SNF8: variants seen among roughly 807,000 people sequenced by gnomAD.
The protein encoded by SNF8 is SNF8 subunit of ESCRT-II, also known as vacuolar-sorting protein SNF8.
A neutral mutation model predicts 36.8 loss-of-function variants in SNF8; 19 were observed. The ratio of observed to expected loss-of-function variants is 0.52; its 90% CI spans 0.36 to 0.76. The LOEUF (loss-of-function observed/expected upper bound fraction) is 0.76. Ranked by LOEUF, SNF8 falls within the 30% of genes least tolerant of loss-of-function variation. The probability of loss-of-function intolerance (pLI) is 0.00; values close to 1 mark genes in which losing one functional copy is unlikely to be tolerated. For synonymous variants in SNF8, 127 were observed against 127.4 expected (o/e 1.00, Z 0.02); for missense variants, 268 against 322.9 (o/e 0.83, Z 1.30).
intron 6 of SNF8, 100 bp downstream of exon 6, chr17:48,933,104 GC>G: frequency 7.5e-7 from 1 of 1,334,686 alleles, no homozygotes; most frequent in East Asian, 2.4e-5. Context: ...GATAGTCTCA[GC>G]AAAAGACCTG....
At chr17:48,940,098 T>G (rs2040997986) in intron 3 of SNF8, among the ~76,000 whole-genome samples, 4 of 151,568 alleles carry the variant, frequency 2.6e-5, no homozygotes, top group Admixed American at 2.6e-4. Flanking sequence ...AAAAAATTTT[T>G]TTTTTAAACA....
intron 3 of SNF8, 27 bp downstream of exon 3, chr17:48,940,897 G>T: frequency 6.2e-7 from 1 of 1,608,924 alleles, no homozygotes; most frequent in Non-Finnish European, 8.5e-7. Flanking sequence ...CTATAAGAAC[G>T]CTGGACCCCT....
chr17:48,941,164 C>T (rs2041017984), intron 2 of SNF8, 102 bp from the exon 3 acceptor site: 1 of 1,326,342 alleles, frequency 7.5e-7, no homozygotes, highest in African/African-American at 1.4e-5. Flanking sequence ...GCTGAAATAA[C>T]CAGTCTCCCT....
intron 3 of SNF8, chr17:48,937,333 A>G (rs1292543975): frequency 1.5e-6 from 1 of 673,388 alleles, no homozygotes; most frequent in Admixed American, 2.0e-5. Context: ...CAGGCAATCT[A>G]AAAGTCATTT....
intron 7 of SNF8, 152 bp from the exon 8 acceptor site, chr17:48,930,764 G>A (rs1482308505): frequency 2.5e-6 from 2 of 792,160 alleles, no homozygotes; most frequent in African/African-American, 1.7e-5. Context: ...CCAACTAAAC[G>A]AGCTGTTTGG....
At chr17:48,941,210 T>G (rs1442941783) in intron 2 of SNF8, 148 bp from the exon 3 acceptor site, 1 of 850,820 alleles carries the variant, frequency 1.2e-6, no homozygotes, top group Non-Finnish European at 1.8e-6. Context: ...TCTCTCTTTT[T>G]ATCCCTGCCT....
intron 5 of SNF8, 164 bp downstream of exon 5, chr17:48,936,006 A>T: frequency 1.8e-6 from 1 of 545,268 alleles, no homozygotes; most frequent in Non-Finnish European, 3.2e-6. Flanking sequence ...GTGAGACCCT[A>T]TCTCTTATTT....
At chr17:48,931,445 G>GAGTT (rs1379870504) in intron 7 of SNF8, among the ~76,000 whole-genome samples, 198 bp downstream of exon 7, 2 of 152,238 alleles carry the variant, frequency 1.3e-5, no homozygotes, top group African/African-American at 4.8e-5. Context: ...GTGCATGCCA[G>GAGTT]AGTTAGGAAC....
At chr17:48,939,115 G>A (rs1340032695) in intron 3 of SNF8, among the ~76,000 whole-genome samples, 7 of 151,022 alleles carry the variant, frequency 4.6e-5, no homozygotes, top group Middle Eastern at 3.5e-3. Flanking sequence ...AAAATTAGCC[G>A]GGCATGGTGG....
chr17:48,935,541 C>G (rs2040922081), intron 5 of SNF8, among the ~76,000 whole-genome samples: 1 of 149,586 alleles, frequency 6.7e-6, no homozygotes, highest in South Asian at 2.1e-4. Flanking sequence ...ATTAGCCGGG[C>G]ATGGTGGTGC....
chr17:48,934,132 T>TA (rs1393228791), intron 5 of SNF8, among the ~76,000 whole-genome samples: 1 of 111,372 alleles, frequency 9.0e-6, no homozygotes. Flanking sequence ...ATACAGAGTT[T>TA]AAAACCTCTG....
In SNF8 at chr17:48,933,241, G is replaced by C. The variant is rs776364984; in HGVS notation, c.528C>G (p.Leu176=). 1 of 1,613,916 alleles carries C rather than the reference G, an allele frequency of 6.2e-7. No individual in the cohort carries two copies. The highest frequency in any genetic ancestry group is 1.7e-5 in the Admixed American group (1 of 59,994). Residue 176 remains leucine (L), a synonymous_variant, in exon 6 of 8, where the codon CTC becomes CTG. Coordinates refer to ENST00000502492, the MANE Select transcript of SNF8 (RefSeq NM_007241.4). The part of the protein sequence containing the change: ...TYLIQSVPAE[L]NMDHTVVLQL... ...GCAGCACCACGGTGTGATCCATATTGAGCTCAGCTGGAACAGACTGAATGA... is the reference window on the plus strand; with the variant it reads ...GCAGCACCACGGTGTGATCCATATTCAGCTCAGCTGGAACAGACTGAATGA...
chr17:48,944,417 G>A (rs971222301), intron 1 of SNF8, among the ~76,000 whole-genome samples: 13 of 152,252 alleles, frequency 8.5e-5, no homozygotes, highest in African/African-American at 3.1e-4. Flanking sequence ...TTAGGGAGAA[G>A]GATAGGGTGA....
In SNF8 at chr17:48,930,030, C is replaced by G. The variant is rs2040834089; in HGVS notation, c.*445G>C. The G allele has an allele frequency of 6.6e-6, 1 of 152,508 alleles. No individual in the cohort carries two copies. The highest frequency in any genetic ancestry group is 1.5e-5 in the Non-Finnish European group (1 of 68,284). The allele number at this position is 152,508 out of a possible 1,614,324, so 9.4% of individuals were successfully genotyped here. On this transcript the variant is annotated 3_prime_UTR_variant, in exon 8 of 8. Transcript: ENST00000502492. ...AGCTAACTCTGTCATAACCTAGAGC[C>G]TCTACAGAGGAAGCCAGAAGAGACT...
At chr17:48,944,537 AG>A in intron 1 of SNF8, 143 bp downstream of exon 1, 2 of 924,268 alleles carry the variant, frequency 2.2e-6, no homozygotes, top group East Asian at 5.2e-5. Flanking sequence ...ATCCACCGGA[AG>A]CTGGAGAAAT....
chr17:48,936,985 CCA>C, intron 4 of SNF8, 33 bp downstream of exon 4: 1 of 1,456,570 alleles, frequency 6.9e-7, no homozygotes, highest in Non-Finnish European at 9.7e-7. Flanking sequence ...TCAGAGAAGT[CCA>C]GAGTCCAGTT....
At chr17:48,935,159 C>G (rs1271158238) in intron 5 of SNF8, among the ~76,000 whole-genome samples, 1 of 151,882 alleles carries the variant, frequency 6.6e-6, no homozygotes, top group East Asian at 1.9e-4. Flanking sequence ...TCACTTGAGG[C>G]CAGGAGTTCA....
intron 7 of SNF8, 30 bp downstream of exon 7, chr17:48,931,609 CCTGT>C (rs1372649954): frequency 6.3e-7 from 1 of 1,576,798 alleles, no homozygotes. Context: ...CTGGGGCCTG[CCTGT>C]CTTTTCTGGA....
intron 3 of SNF8, among the ~76,000 whole-genome samples, chr17:48,938,467 G>T (rs1258474012): frequency 1.4e-5 from 2 of 138,750 alleles, no homozygotes; most frequent in Non-Finnish European, 3.0e-5. Flanking sequence ...TTGCACTCCA[G>T]CCTGGGAATC....
Sources: allele counts gnomAD v4.1 joint callset (sites outside exome capture counted in the v4.1 genomes callset), GRCh38; gene constraint gnomAD v4.1.1; transcripts MANE v1.5; gene names NCBI Gene and HGNC (gene_info 2026-07-23, HGNC 2026-07-21).